Variants in PLXNB1 observed in about 807,000 individuals in gnomAD.
PLXNB1 encodes the protein plexin-B1.
PLXNB1 carries 106 observed loss-of-function variants against 209.4 expected under a neutral mutation model. The observed-to-expected ratio is 0.51, with a 90% CI of 0.43 to 0.59. PLXNB1 has a LOEUF of 0.59. PLXNB1 is among the 20% of genes least tolerant of loss of function. The pLI is 0.00. For synonymous variants in PLXNB1, 1,167 were observed against 1,183.2 expected, an observed-to-expected ratio of 0.99 and a Z score of 0.28; for missense variants, 2,357 against 2,853.2, an observed-to-expected ratio of 0.83 and a Z score of 3.96.
chr3:48,414,428 C>T (rs772065697), intron 21 of PLXNB1, among the ~76,000 whole-genome samples: 14 of 152,224 alleles, frequency 9.2e-5, no homozygotes, highest in Non-Finnish European at 7.3e-5. Flanking sequence ...CTGCTGCCCA[C>T]TGTGTATGTC....
rs2038659778 is a variant in PLXNB1 at position 48,423,380 on chromosome 3, T to C, written c.1107+125A>G. On this transcript the variant is annotated intron_variant, in intron 3 of 37. Transcript: ENST00000296440. ...AGGCAACATAGGAAGCACTTAATAT[T>C]TGCTGATCTGATCATCCTCGTGCTA... 8 of 1,054,866 alleles carry C rather than the reference T, an allele frequency of 7.6e-6. 1 individual carries two copies. The highest frequency in any genetic ancestry group is 1.1e-5 in the Non-Finnish European group (8 of 716,238). 65.3% of individuals were successfully genotyped at this position (1,054,866 alleles called of 1,614,324 possible).
chr3:48,422,731 C>A, intron 4 of PLXNB1, 34 bp downstream of exon 4: 2 of 1,600,234 alleles, frequency 1.2e-6, no homozygotes, highest in Non-Finnish European at 1.7e-6. Flanking sequence ...CCTCCAGACT[C>A]TGGGGCAGGG....
In PLXNB1 at chr3:48,422,956, A is replaced by G; in HGVS notation, c.1108-9T>C. 1 of 1,607,396 alleles carries G rather than the reference A, an allele frequency of 6.2e-7. No homozygotes were observed. The highest frequency in any genetic ancestry group is 8.5e-7 in the Non-Finnish European group (1 of 1,175,436). On this transcript the variant is annotated splice_polypyrimidine_tract_variant and intron_variant, in intron 3 of 37. Transcript: ENST00000296440. ...TAAGCATCCAGGGTGTCCTATAGGCAGCAAGAAGCATCAGGAAGGCCCTCC... is the reference window on the plus strand; with the variant it reads ...TAAGCATCCAGGGTGTCCTATAGGCGGCAAGAAGCATCAGGAAGGCCCTCC...
chr3:48,428,952 G>A lies in PLXNB1; in HGVS notation c.-60+1056C>T, dbSNP rs182679612. Among the ~76,000 whole-genome samples the A allele has an allele frequency of 8.6e-3, 1,312 of 152,196 alleles. 7 individuals carry two copies. The highest frequency in any genetic ancestry group is 0.015 in the Non-Finnish European group (994 of 67,994). On this transcript the variant is annotated intron_variant, in intron 1 of 37. Coordinates refer to ENST00000296440, the MANE Select transcript of PLXNB1 (RefSeq NM_001130082.3). ...CGTCCTTGACCCTCCCCAACCCCCA[G>A]ACCCCGAGGCGAGGACCCCATCACT...
chr3:48,415,157 G>A lies in PLXNB1; in HGVS notation c.3966+19C>T, dbSNP rs768202911. ...TATGGGGCAAGGGGAGAGTGTGGGG[G>A]TACCCAAGGGTGTCCTACTTGCTGG... On this transcript the variant is annotated intron_variant, in intron 20 of 37. Transcript: ENST00000296440. This position sits in a 1 kb window ranked among gnomAD's most constrained non-coding sequence, Gnocchi z 5.0. The A allele has an allele frequency of 2.5e-6, 4 of 1,608,302 alleles. No homozygotes were observed. The highest frequency in any genetic ancestry group is 1.7e-6 in the Non-Finnish European group (2 of 1,175,678).
rs2038171530 is a variant in PLXNB1, at chr3:48,417,402, A to G, written c.3374+509T>C. Among the ~76,000 whole-genome samples, 1 of 152,234 alleles carries G rather than the reference A, an allele frequency of 6.6e-6. No homozygotes were observed. Among genetic ancestry groups the G allele is most frequent in the Non-Finnish European group, 1.5e-5 (1 of 68,038 alleles). ...CTGCAACCGCTGGCCAGGTTACCATAACCCAGGAGCCCCAGGAAGGCAGCA... is the reference window on the plus strand; with the variant it reads ...CTGCAACCGCTGGCCAGGTTACCATGACCCAGGAGCCCCAGGAAGGCAGCA... On this transcript the variant is annotated intron_variant, in intron 16 of 37. Coordinates refer to ENST00000296440, the MANE Select transcript of PLXNB1 (RefSeq NM_001130082.3). This position sits in a 1 kb window ranked among gnomAD's most constrained non-coding sequence, Gnocchi z 4.4.
In PLXNB1 at chr3:48,424,569, C is replaced by T. The variant is rs1156870322; in HGVS notation, c.43G>A (p.Gly15Arg). ...GPALLQALWA[G>R]WVLTLQPLPP... ...AGGGGCTGGAGGGTGAGGACCCACCCGGCCCAGAGAGCCTGGAGAAGAGCT... is the reference window on the plus strand; with the variant it reads ...AGGGGCTGGAGGGTGAGGACCCACCTGGCCCAGAGAGCCTGGAGAAGAGCT... Residue 15 changes from glycine to arginine, a missense_variant, in exon 3 of 38, where the codon GGG becomes AGG. This residue lies in a region of PLXNB1 where 107 missense variants were observed against 167.2 expected (regional missense o/e 0.64). Coordinates refer to ENST00000296440, the MANE Select transcript of PLXNB1 (RefSeq NM_001130082.3). 4.5e-6 allele frequency: 7 copies of T among 1,551,146 alleles called. No individual in the cohort carries two copies. The highest frequency in any genetic ancestry group is 2.4e-5 in the South Asian group (2 of 84,666).
chr3:48,406,743 G>A lies in PLXNB1; in HGVS notation c.6228+80C>T. The stretch of plus-strand genomic sequence containing the variant: ...TGCTGAGGTTCCCAAGGGCTTCCCT[G>A]CAAAGGGGCAGTGTGAAGGGGGAAG... On this transcript the variant is annotated intron_variant, in intron 36 of 37. Transcript: ENST00000296440. The surrounding 1 kb of genome is among the most constrained non-coding windows in gnomAD (Gnocchi z 4.4). 1.3e-6 allele frequency: 2 copies of A among 1,509,132 alleles called. No individual in the cohort carries two copies. Among genetic ancestry groups the A allele is most frequent in the South Asian group, 2.6e-5 (2 of 77,918 alleles). 93.5% of individuals were successfully genotyped at this position (1,509,132 alleles called of 1,614,324 possible).
chr3:48,421,089 G>A, intron 8 of PLXNB1, 133 bp from the exon 9 acceptor site: 2 of 1,267,882 alleles, frequency 1.6e-6, no homozygotes, highest in Admixed American at 1.9e-5. Flanking sequence ...CAGAATGGAG[G>A]CTTCAGGTGG....
At chr3:48,421,574 T>A in intron 7 of PLXNB1, 100 bp downstream of exon 7, 2 of 1,261,006 alleles carry the variant, frequency 1.6e-6, no homozygotes, top group Non-Finnish European at 1.1e-6. Flanking sequence ...TGTGAGGCCA[T>A]GTGGTATCTG....
chr3:48,410,214 G>A lies in PLXNB1; in HGVS notation c.5605+82C>T. On this transcript the variant is annotated intron_variant, in intron 31 of 37. Coordinates refer to ENST00000296440, the MANE Select transcript of PLXNB1 (RefSeq NM_001130082.3). The surrounding 1 kb of genome is among the most constrained non-coding windows in gnomAD (Gnocchi z 6.4). ...GCCGAATGGAAATAGGCACAAGCCTGCCCTGAGGCCCAGAGGACCTTCCCC... is the reference window on the plus strand; with the variant it reads ...GCCGAATGGAAATAGGCACAAGCCTACCCTGAGGCCCAGAGGACCTTCCCC... 1 of 1,453,674 alleles carries A rather than the reference G, an allele frequency of 6.9e-7. No individual in the cohort carries two copies. The highest frequency in any genetic ancestry group is 9.4e-7 in the Non-Finnish European group (1 of 1,065,948). The allele number at this position is 1,453,674 out of a possible 1,614,324, so 90.0% of individuals were successfully genotyped here.
At chr3:48,426,657 G>A (rs892947584) in intron 1 of PLXNB1, among the ~76,000 whole-genome samples, 4 of 152,154 alleles carry the variant, frequency 2.6e-5, no homozygotes, top group South Asian at 2.1e-4. Flanking sequence ...CAGGGGGGCC[G>A]TGGTCACAGC....
At chr3:48,426,972 C>T (rs868865785) in intron 1 of PLXNB1, among the ~76,000 whole-genome samples, 6 of 152,212 alleles carry the variant, frequency 3.9e-5, no homozygotes, top group Non-Finnish European at 8.8e-5. Context: ...CTGTTCAATT[C>T]TCCTGCCACC....
chr3:48,424,037 G>A lies in PLXNB1; in HGVS notation c.575C>T (p.Pro192Leu), dbSNP rs2038731624. ...ATAGGAGAAGGCAGCTTGGGGGTCGGGCGGCCACAGGGCCCGGGTTGTGAT... is the reference window on the plus strand; with the variant it reads ...ATAGGAGAAGGCAGCTTGGGGGTCGAGCGGCCACAGGGCCCGGGTTGTGAT... ...PPITTRALWPPDPQAAFSYEE... is the reference protein window; with the variant it reads ...PPITTRALWPLDPQAAFSYEE... Residue 192 changes from proline (P) to leucine (L), a missense_variant, in exon 3 of 38, where the codon CCC becomes CTC. Coordinates refer to ENST00000296440, the MANE Select transcript of PLXNB1 (RefSeq NM_001130082.3). The A allele has an allele frequency of 1.9e-6, 3 of 1,601,896 alleles. No individual in the cohort carries two copies. The highest frequency in any genetic ancestry group is 2.6e-6 in the Non-Finnish European group (3 of 1,173,524).
rs548013977 is a variant in PLXNB1, at chr3:48,403,916, C to T, written c.*570G>A. ...GGAGTCACCACTCTCCCCAAGACCC[C>T]CCTGCAGCAGATAGCCCTCACCATG... is the stretch of plus-strand genomic sequence containing the variant. On this transcript the variant is annotated 3_prime_UTR_variant, in exon 38 of 38. Coordinates refer to ENST00000296440, the MANE Select transcript of PLXNB1 (RefSeq NM_001130082.3). 1.3e-5 allele frequency: 2 copies of T among 153,840 alleles called. No homozygotes were observed. Among genetic ancestry groups the T allele is most frequent in the Admixed American group, 1.3e-4 (2 of 15,488 alleles). The allele number at this position is 153,840 out of a possible 1,614,324, so 9.5% of individuals were successfully genotyped here.
chr3:48,412,891 T>C lies in PLXNB1; in HGVS notation c.4705A>G (p.Lys1569Glu), dbSNP rs1235767219. The change falls in exon 25 of 38, where the codon AAG becomes GAG. Residue 1569 changes from lysine to glutamate, a missense_variant. Lys to Glu is a moderately conservative substitution (Grantham distance 56). Coordinates refer to ENST00000296440, the MANE Select transcript of PLXNB1 (RefSeq NM_001130082.3). ...AAGAAGATCCTCTCCGCATACACCTTGTAGTCGAGGAAGGGGATGCCGCTG... is the reference window on the plus strand; with the variant it reads ...AAGAAGATCCTCTCCGCATACACCTCGTAGTCGAGGAAGGGGATGCCGCTG... ...LGSGIPFLDY[K>E]VYAERIFFPG... 1 of 1,613,898 alleles carries C rather than the reference T, an allele frequency of 6.2e-7. No individual in the cohort carries two copies. Among genetic ancestry groups the C allele is most frequent in the Non-Finnish European group, 8.5e-7 (1 of 1,179,968 alleles).
In PLXNB1 at chr3:48,419,858, G is replaced by A. The variant is rs188956336; in HGVS notation, c.2428C>T (p.Leu810Phe). 1.1e-5 allele frequency: 18 copies of A among 1,569,654 alleles called. No homozygotes were observed. Among genetic ancestry groups the A allele is most frequent in the Middle Eastern group, 1.7e-4 (1 of 5,884 alleles). ...VPPADPGPEA[L>F]HPTVPLDLPP... ...AGGTCCAGGGGCACTGTGGGATGAA[G>A]AGCCTCGGGGCCAGGGTCTGCAGGG... The change falls in exon 11 of 38, where the codon CTT becomes TTT. Residue 810 changes from leucine to phenylalanine, a missense_variant. Physicochemically the swap from Leu to Phe is conservative, Grantham distance 22. Around this residue, in one of 7 missense-constraint regions of PLXNB1, gnomAD observed 410 missense variants for 401.0 expected, o/e 1.02. Transcript: ENST00000296440. This position sits in a 1 kb window ranked among gnomAD's most constrained non-coding sequence, Gnocchi z 5.7.
Position 48,418,437 on chromosome 3 carries a change from C to G in PLXNB1, c.3049+12G>C. The stretch of plus-strand genomic sequence containing the variant: ...CTACCACCGCCAGCCCAGCAGCCCG[C>G]AGGTGGCTCACCATGCAGCCCCTCA... On this transcript the variant is annotated intron_variant, in intron 14 of 37. Transcript: ENST00000296440. This position sits in a 1 kb window ranked among gnomAD's most constrained non-coding sequence, Gnocchi z 6.6. 1 of 1,613,228 alleles carries G rather than the reference C, an allele frequency of 6.2e-7. No homozygotes were observed. The highest frequency in any genetic ancestry group is 8.5e-7 in the Non-Finnish European group (1 of 1,179,838).
chr3:48,428,189 C>T (rs2038994573), intron 1 of PLXNB1, among the ~76,000 whole-genome samples: 1 of 152,176 alleles, frequency 6.6e-6, no homozygotes, highest in African/African-American at 2.4e-5. Flanking sequence ...ACAATCCCTC[C>T]AAGCCACTTG....
Sources: allele counts gnomAD v4.1 joint callset (sites outside exome capture counted in the v4.1 genomes callset), GRCh38; gene constraint gnomAD v4.1.1; regional missense constraint gnomAD v4.1.1; non-coding constraint Gnocchi (gnomAD v3.1); transcripts MANE v1.5; gene names NCBI Gene and HGNC (gene_info 2026-07-23, HGNC 2026-07-21).